Variants in CCDC9B observed in about 807,000 individuals in gnomAD.
The protein encoded by CCDC9B is coiled-coil domain containing 9B, also known as coiled-coil domain-containing protein 9B.
A neutral mutation model predicts 47.2 loss-of-function variants in CCDC9B; 40 were observed. The ratio of observed to expected loss-of-function variants is 0.85; its 90% confidence interval spans 0.66 to 1.10. CCDC9B has a LOEUF of 1.10. Ranked by LOEUF, CCDC9B falls within the 50% of genes least tolerant of loss-of-function variation. The probability of loss-of-function intolerance (pLI) is 0.00; values close to 1 mark genes in which losing one functional copy is unlikely to be tolerated. For synonymous variants in CCDC9B, 238 were observed against 250.7 expected (o/e 0.95, Z 0.48); for missense variants, 662 against 651.0 (o/e 1.02, Z -0.18).
chr15:40,340,783 C>CT, intron 1 of CCDC9B, 25 bp downstream of exon 1: 1 of 1,596,948 alleles, frequency 6.3e-7, no homozygotes, highest in Non-Finnish European at 8.5e-7. Flanking sequence ...AAGAAGCCCC[C>CT]TGCCAAAGGC....
At chr15:40,340,567 G>A in intron 1 of CCDC9B, 1 of 528,798 alleles carries the variant, frequency 1.9e-6, no homozygotes, top group South Asian at 2.7e-5. Flanking sequence ...GGTAGTCGGG[G>A]CGGAGAGAGC....
At chr15:40,339,701 G>A in intron 2 of CCDC9B, 82 bp from the exon 3 acceptor site, 1 of 1,583,140 alleles carries the variant, frequency 6.3e-7, no homozygotes, top group East Asian at 2.3e-5. Flanking sequence ...TACACAGAGA[G>A]ACACCAGTGG....
chr15:40,333,446 G>A lies in CCDC9B; in HGVS notation c.*1712C>T, dbSNP rs1210180178. The A allele has an allele frequency of 6.6e-6, 1 of 151,648 alleles. No homozygotes were observed. Among genetic ancestry groups the A allele is most frequent in the Non-Finnish European group, 1.5e-5 (1 of 68,010 alleles). The allele number at this position is 151,648 out of a possible 1,614,324, so 9.4% of individuals were successfully genotyped here. On this transcript the variant is annotated 3_prime_UTR_variant, in exon 11 of 11. Transcript: ENST00000397536. ...AGCCAGGTGTGGTGGCACACCTGTAGTCCCGGCTACTCAAGAGGTTGATGT... is the reference window on the plus strand; with the variant it reads ...AGCCAGGTGTGGTGGCACACCTGTAATCCCGGCTACTCAAGAGGTTGATGT...
At position 40,339,955 on chromosome 15, in the gene CCDC9B, T is replaced by G. The variant is rs781197446; in HGVS notation, c.73A>C (p.Arg25=). The G allele has an allele frequency of 3.7e-6, 6 of 1,613,914 alleles. No homozygotes were observed. Among genetic ancestry groups the G allele is most frequent in the Non-Finnish European group, 4.2e-6 (5 of 1,179,938 alleles). Residue 25 remains arginine, a synonymous_variant, in exon 2 of 11, where the codon AGG becomes CGG. Transcript: ENST00000397536. ...TTCTTCTTGCGCAGGGCAACTATCC[T>G]CCGATCCAGCTCTGCGTCCTTCTCC... The part of the protein sequence containing the change: ...RQEKDAELDR[R]IVALRKKNQA...
intron 8 of CCDC9B, 38 bp downstream of exon 8, chr15:40,336,722 A>G: frequency 6.2e-7 from 1 of 1,601,938 alleles, no homozygotes; most frequent in Admixed American, 1.7e-5. Flanking sequence ...CTCCATCTTT[A>G]GCTGACGAGA....
At chr15:40,340,090 C>A (rs1413491964) in intron 1 of CCDC9B, 75 bp from the exon 2 acceptor site, 27 of 912,664 alleles carry the variant, frequency 3.0e-5, no homozygotes, top group Non-Finnish European at 4.1e-5. Context: ...ACATTTTCAC[C>A]ACCCAAGGAA....
chr15:40,338,136 C>T (rs1889006731), intron 5 of CCDC9B: 1 of 722,842 alleles, frequency 1.4e-6, no homozygotes, highest in African/African-American at 1.7e-5. Context: ...GTAGCACCAA[C>T]CCACAGGGGT....
At position 40,335,377 on chromosome 15, in the gene CCDC9B, C is replaced by A. The variant is rs1211796125; in HGVS notation, c.1254G>T (p.Gly418=). The change falls in exon 11 of 11, where the codon GGG becomes GGT. Residue 418 remains glycine (G), a synonymous_variant. Coordinates refer to ENST00000397536, the MANE Select transcript of CCDC9B (RefSeq NM_207380.3). ...CCAGCTCAGCCTGGTGATTGCTCCA[C>A]CCCAGGGGCTGCTGCTTAGAGCCCT... is the stretch of plus-strand genomic sequence containing the variant. The part of the protein sequence containing the change: ...WPEGSKQQPL[G]WSNHQAELEV... 1 of 1,613,334 alleles carries A rather than the reference C, an allele frequency of 6.2e-7. No homozygotes were observed. The highest frequency in any genetic ancestry group is 1.1e-5 in the South Asian group (1 of 91,090).
rs1401055563 is a variant in CCDC9B at position 40,335,067 on chromosome 15, CG to C, written c.*90del. 2.5e-5 allele frequency: 32 copies of C among 1,283,590 alleles called. No individual in the cohort carries two copies. The highest frequency in any genetic ancestry group is 3.1e-5 in the Non-Finnish European group (30 of 953,108). 79.5% of individuals were successfully genotyped at this position (1,283,590 alleles called of 1,614,324 possible). A position where few individuals can be genotyped will look rare whatever the true frequency, so the allele number is the denominator to read the frequency against. On this transcript the variant is annotated 3_prime_UTR_variant, in exon 11 of 11. Transcript: ENST00000397536. ...GCTCAGTGACAATGGCGCAAGCCACCGGCAACCACATGGCCATCACGCGGAG... is the reference window on the plus strand; with the variant it reads ...GCTCAGTGACAATGGCGCAAGCCACCGCAACCACATGGCCATCACGCGGAG...
rs1888871490 is a variant in CCDC9B, at chr15:40,332,176, AG to A, written c.*2981del. 1 of 152,222 alleles carries A rather than the reference AG, an allele frequency of 6.6e-6. No individual in the cohort carries two copies. Among genetic ancestry groups the A allele is most frequent in the African/African-American group, 2.4e-5 (1 of 41,466 alleles). The allele number at this position is 152,222 out of a possible 1,614,324, so 9.4% of individuals were successfully genotyped here. A position where few individuals can be genotyped will look rare whatever the true frequency, so the allele number is the denominator to read the frequency against. ...AGCCAGGCCTTTAAACAAAGGAGCC[AG>A]GAAGAGGTAGAACCAGCTTCCCATG... On this transcript the variant is annotated 3_prime_UTR_variant, in exon 11 of 11. Coordinates refer to ENST00000397536, the MANE Select transcript of CCDC9B (RefSeq NM_207380.3).
chr15:40,336,957 C>G, intron 7 of CCDC9B, 144 bp from the exon 8 acceptor site: 2 of 722,570 alleles, frequency 2.8e-6, no homozygotes, highest in Non-Finnish European at 4.6e-6. Flanking sequence ...GCCTGGGGGT[C>G]AGGAGAATAG....
chr15:40,337,636 C>G (rs1566907920), intron 6 of CCDC9B, 88 bp downstream of exon 6: 17 of 1,434,022 alleles, frequency 1.2e-5, no homozygotes, highest in Middle Eastern at 2.6e-4. Context: ...CCTCTCAACC[C>G]CGAGGAGGGT....
In CCDC9B at chr15:40,337,827, A is replaced by T; in HGVS notation, c.580T>A (p.Trp194Arg). The change falls in exon 6 of 11, where the codon TGG becomes AGG. Residue 194 changes from tryptophan to arginine, a missense_variant. By Grantham distance (101) the Trp-to-Arg change is moderately radical. Coordinates refer to ENST00000397536, the MANE Select transcript of CCDC9B (RefSeq NM_207380.3). ...PPEAGWDYAQ[W>R]KQEREQIDLA... ...TCGATCTGCTCCCGCTCCTGCTTCCACTGGGCATAGTCCCAGCCCGCCTCC... is the reference window on the plus strand; with the variant it reads ...TCGATCTGCTCCCGCTCCTGCTTCCTCTGGGCATAGTCCCAGCCCGCCTCC... 6.2e-7 allele frequency: 1 copy of T among 1,610,584 alleles called. No homozygotes were observed. The highest frequency in any genetic ancestry group is 8.5e-7 in the Non-Finnish European group (1 of 1,179,666).
At chr15:40,335,758 G>C in intron 10 of CCDC9B, 26 bp downstream of exon 10, 1 of 1,606,438 alleles carries the variant, frequency 6.2e-7, no homozygotes, top group Non-Finnish European at 8.5e-7. Context: ...TCCCCAGCCT[G>C]CCCCATCCTA....
chr15:40,338,515 A>C lies in CCDC9B; in HGVS notation c.513+20T>G. The C allele has an allele frequency of 6.2e-7, 1 of 1,611,232 alleles. No homozygotes were observed. Among genetic ancestry groups the C allele is most frequent in the Non-Finnish European group, 8.5e-7 (1 of 1,178,072 alleles). The stretch of plus-strand genomic sequence containing the variant: ...TGAGGACCTTCAGATCCATGTCCCC[A>C]TCCCCTCTTGAAGACACACCTTCCG... On this transcript the variant is annotated intron_variant, in intron 5 of 10. Transcript: ENST00000397536.
At position 40,332,304 on chromosome 15, in the gene CCDC9B, C is replaced by T. The variant is rs756462143; in HGVS notation, c.*2854G>A. ...GGTGGCAACCATCCGGACTGATAGC[C>T]GGGGGTTACCACCATAACTACCACT... On this transcript the variant is annotated 3_prime_UTR_variant, in exon 11 of 11. Transcript: ENST00000397536. 1.3e-5 allele frequency: 2 copies of T among 152,194 alleles called. No individual in the cohort carries two copies. The highest frequency in any genetic ancestry group is 2.4e-5 in the African/African-American group (1 of 41,430). The allele number at this position is 152,194 out of a possible 1,614,324, so 9.4% of individuals were successfully genotyped here. A position where few individuals can be genotyped will look rare whatever the true frequency, so the allele number is the denominator to read the frequency against.
rs1319239364 is a variant in CCDC9B, at chr15:40,335,420, C to A, written c.1211G>T (p.Ser404Ile). ...AGAGCCCTCTGGCCAAGACACAGGG[C>A]TCTCCTGGGCCCCAGGCCTCAGACC... The part of the protein sequence containing the change: ...VLGLRPGAQE[S>I]PVSWPEGSKQ... The change falls in exon 11 of 11, where the codon AGC becomes ATC. Residue 404 changes from serine to isoleucine, a missense_variant. Coordinates refer to ENST00000397536, the MANE Select transcript of CCDC9B (RefSeq NM_207380.3). 6.2e-7 allele frequency: 1 copy of A among 1,612,134 alleles called. No individual in the cohort carries two copies. Among genetic ancestry groups the A allele is most frequent in the South Asian group, 1.1e-5 (1 of 91,004 alleles).
At position 40,335,209 on chromosome 15, in the gene CCDC9B, T is replaced by C. The variant is rs1212112913; in HGVS notation, c.1422A>G (p.Thr474=). The C allele has an allele frequency of 2.6e-6, 4 of 1,565,324 alleles. No individual in the cohort carries two copies. The highest frequency in any genetic ancestry group is 1.8e-5 in the Admixed American group (1 of 55,092). Residue 474 remains threonine (T), a synonymous_variant, in exon 11 of 11, where the codon ACA becomes ACG. Coordinates refer to ENST00000397536, the MANE Select transcript of CCDC9B (RefSeq NM_207380.3). ...GCCCTGTCCTGCGCCTCACACCTGC[T>C]GTGCCTCTCGACCTTTGGCTGCCTC... The part of the protein sequence containing the change: ...TRGGSQRSRG[T]AGVRRRTGRP...
In CCDC9B at chr15:40,335,612, GGGGC is replaced by G; in HGVS notation, c.1015_1018del (p.Ala339LeufsTer41). On this transcript the variant is annotated frameshift_variant, in exon 11 of 11. Coordinates refer to ENST00000397536, the MANE Select transcript of CCDC9B (RefSeq NM_207380.3). LOFTEE classifies it low-confidence loss of function (END_TRUNC). ...GGATGCCAGGGCTGGGCTGGCTGCA[GGGGC>G]GCTCCCCAGTCGGCCCTGCTCCATC... The G allele has an allele frequency of 6.7e-7, 1 of 1,500,122 alleles. No homozygotes were observed. The highest frequency in any genetic ancestry group is 1.3e-5 in the South Asian group (1 of 74,916). 92.9% of individuals were successfully genotyped at this position (1,500,122 alleles called of 1,614,324 possible).
Sources: allele counts gnomAD v4.1 joint callset, GRCh38; gene constraint gnomAD v4.1.1; transcripts MANE v1.5; gene names NCBI Gene and HGNC (gene_info 2026-07-23, HGNC 2026-07-21).